The following MTMR14 variants were observed in gnomAD, a reference collection of about 807,000 sequenced individuals.
MTMR14 encodes the protein myotubularin related protein 14.
In MTMR14, 48 loss-of-function variants were observed where a neutral mutation model predicts 86.3. That is an observed-to-expected ratio of 0.56 (90% CI 0.44 to 0.71). MTMR14 has a LOEUF of 0.71. Among genes scored for constraint, MTMR14 ranks in the 30% least tolerant of loss-of-function variants. The pLI, the probability that MTMR14 is intolerant of heterozygous loss-of-function variation, is 0.00. For synonymous variants in MTMR14, 366 were observed against 326.1 expected, an observed-to-expected ratio of 1.12 and a Z score of -1.32; for missense variants, 780 against 834.6, an observed-to-expected ratio of 0.93 and a Z score of 0.81.
At chr3:9,671,337 C>G (rs912062084) in intron 6 of MTMR14, among the ~76,000 whole-genome samples, 167 bp downstream of exon 6, 1 of 152,126 alleles carries the variant, frequency 6.6e-6, no homozygotes, top group African/African-American at 2.4e-5. Context: ...ACCAGTGTCC[C>G]CCTCTTACAG....
rs771834344 is a variant in MTMR14 at position 9,669,458 on chromosome 3, G to A, written c.520G>A (p.Val174Met). Residue 174 changes from valine to methionine, a missense_variant, in exon 5 of 19, where the codon GTG becomes ATG. By Grantham distance (21) the Val-to-Met change is conservative. Coordinates refer to ENST00000296003, the MANE Select transcript of MTMR14 (RefSeq NM_001077525.3). ...GGGTGCAGATGATGCCTGGGCAGAT[G>A]TGGAGGACGTCACGGAGGAGGACTG... ...SGGADDAWAD[V>M]EDVTEEDCAL... 4.3e-6 allele frequency: 7 copies of A among 1,613,970 alleles called. No individual in the cohort carries two copies. The South Asian group carries it at 7.7e-5, about 18-fold the overall frequency.
chr3:9,659,403 T>G (rs1309385305), intron 2 of MTMR14, among the ~76,000 whole-genome samples: 1 of 150,280 alleles, frequency 6.7e-6, no homozygotes, highest in Non-Finnish European at 1.5e-5. Flanking sequence ...CAAGAGATAA[T>G]AAAAACAGGA....
At position 9,680,795 on chromosome 3, in the gene MTMR14, C is replaced by T. The variant is rs1226855045; in HGVS notation, c.898-2383C>T. On this transcript the variant is annotated intron_variant, in intron 9 of 18. Transcript: ENST00000296003. ...GAGCTTGCGGTGAGCTGAGATCGCG[C>T]CACTACACTCCAGCCTGGGCGACAG... Among the ~76,000 whole-genome samples the T allele has an allele frequency of 6.6e-5, 10 of 152,342 alleles. 1 individual carries two copies. Among genetic ancestry groups the T allele is most frequent in the Non-Finnish European group, 2.9e-5 (2 of 68,032 alleles).
intron 10 of MTMR14, 42 bp from the exon 11 acceptor site, chr3:9,684,543 C>T (rs374419725): frequency 9.4e-6 from 15 of 1,593,470 alleles, no homozygotes; most frequent in Admixed American, 1.7e-5. Flanking sequence ...CGGCCCATGT[C>T]TGGTTCTCTC....
chr3:9,684,593 G>A lies in MTMR14; in HGVS notation c.973G>A (p.Gly325Arg), dbSNP rs375469777. The A allele has an allele frequency of 6.8e-6, 11 of 1,613,904 alleles. No homozygotes were observed. Among genetic ancestry groups the A allele is most frequent in the South Asian group, 4.4e-5 (4 of 91,084 alleles). The part of the protein sequence containing the change: ...LSLVNSDDDS[G>R]LLVHCISGWD... ...CTGCGGTTCCTGAGTAGATGACAGC[G>A]GGCTGCTGGTACACTGTATCTCAGG... The change falls in exon 11 of 19, where the codon GGG (glycine) becomes AGG (arginine). Residue 325 changes from glycine (G) to arginine (R), a missense_variant. Gly to Arg is a moderately radical substitution (Grantham distance 125). Transcript: ENST00000296003.
At chr3:9,649,883 G>A in intron 1 of MTMR14, 141 bp downstream of exon 1, 2 of 1,525,398 alleles carry the variant, frequency 1.3e-6, no homozygotes, top group Admixed American at 2.0e-5. Context: ...AGTTCTCCAG[G>A]GTCTGTATCC....
intron 3 of MTMR14, among the ~76,000 whole-genome samples, chr3:9,663,713 C>T (rs2048082957): frequency 6.6e-6 from 1 of 150,974 alleles, no homozygotes; most frequent in Non-Finnish European, 1.5e-5. Context: ...CGGGGCTTCA[C>T]CGTGTTAGCC....
intron 4 of MTMR14, 146 bp downstream of exon 4, chr3:9,668,940 C>G (rs1208122613): frequency 1.8e-5 from 15 of 848,666 alleles, no homozygotes; most frequent in Non-Finnish European, 2.9e-5. Context: ...GAGTTCGAGA[C>G]CATCCTGGCT....
Position 9,688,977 on chromosome 3 carries a change from G to T in MTMR14, c.1328G>T (p.Gly443Val). 1 of 1,614,032 alleles carries T rather than the reference G, an allele frequency of 6.2e-7. No homozygotes were observed. The highest frequency in any genetic ancestry group is 2.2e-5 in the East Asian group (1 of 44,886). Residue 443 changes from glycine to valine, a missense_variant, in exon 16 of 19, where the codon GGC becomes GTC. Physicochemically the swap from Gly to Val is moderately radical, Grantham distance 109. Transcript: ENST00000296003. ...RKDRGSTTSLGSDFSLVMESS... is the reference protein window; with the variant it reads ...RKDRGSTTSLVSDFSLVMESS... ...GACCGTGGCAGCACCACCAGCCTTG[G>T]CAGCGACTTCTCCCTGGTCATGGAG...
intron 7 of MTMR14, among the ~76,000 whole-genome samples, chr3:9,676,847 T>C (rs1279985173): frequency 6.6e-6 from 1 of 152,154 alleles, no homozygotes; most frequent in Non-Finnish European, 1.5e-5. Context: ...TTCCAGTATG[T>C]TAGGATGTTC....
At chr3:9,700,411 C>CT (rs2076416711) in intron 18 of MTMR14, 1 of 152,200 alleles carries the variant, frequency 6.6e-6, no homozygotes, top group African/African-American at 2.4e-5. Context: ...AGTACCTGAA[C>CT]TTTGAGTCCA....
chr3:9,649,751 G>A lies in MTMR14; in HGVS notation c.159+9G>A. On this transcript the variant is annotated intron_variant, in intron 1 of 18. Transcript: ENST00000296003. ...GGACCGGCGGCTCTAAGGTGAGATT[G>A]GAGGTGCGATGAGCTGGGGAAGGCT... 6.2e-7 allele frequency: 1 copy of A among 1,613,286 alleles called. No individual in the cohort carries two copies. The highest frequency in any genetic ancestry group is 1.3e-5 in the African/African-American group (1 of 75,006).
chr3:9,683,263 G>A lies in MTMR14; in HGVS notation c.964+19G>A, dbSNP rs780375828. ...AGTGATGGTGAGTCTGTCTCCTCCA[G>A]AGCCCTCGAGCCACTGCACCCTTGG... is the stretch of plus-strand genomic sequence containing the variant. On this transcript the variant is annotated intron_variant, in intron 10 of 18. Coordinates refer to ENST00000296003, the MANE Select transcript of MTMR14 (RefSeq NM_001077525.3). 6.2e-7 allele frequency: 1 copy of A among 1,611,508 alleles called. No individual in the cohort carries two copies. Among genetic ancestry groups the A allele is most frequent in the Non-Finnish European group, 8.5e-7 (1 of 1,178,216 alleles).
intron 12 of MTMR14, 69 bp from the exon 13 acceptor site, chr3:9,685,142 G>A (rs1457433498): frequency 3.1e-6 from 5 of 1,602,072 alleles, no homozygotes; most frequent in Non-Finnish European, 3.4e-6. Flanking sequence ...TCTGTGTCTG[G>A]TGACCCTGTC....
chr3:9,672,028 A>G (rs1365772074), intron 6 of MTMR14, among the ~76,000 whole-genome samples: 16 of 152,190 alleles, frequency 1.1e-4, no homozygotes. Flanking sequence ...CTCAGTGACT[A>G]TTAGAGAAGA....
intron 2 of MTMR14, among the ~76,000 whole-genome samples, chr3:9,660,404 A>G (rs768173941): frequency 6.6e-6 from 1 of 152,000 alleles, no homozygotes; most frequent in African/African-American, 2.4e-5. Flanking sequence ...GATTACAGGC[A>G]CGCGCCACCA....
At chr3:9,684,860 C>G (rs754701374) in intron 11 of MTMR14, 28 bp from the exon 12 acceptor site, 1 of 1,610,608 alleles carries the variant, frequency 6.2e-7, no homozygotes, top group Non-Finnish European at 8.5e-7. Context: ...GAAGAGGGCT[C>G]TGTCACATCT....
chr3:9,650,130 G>C (rs963669186), intron 1 of MTMR14, among the ~76,000 whole-genome samples: 1 of 152,226 alleles, frequency 6.6e-6, no homozygotes, highest in African/African-American at 2.4e-5. Context: ...ATAGGGAGAC[G>C]ATTCCTCGGG....
chr3:9,665,572 G>T (rs375646753), intron 3 of MTMR14, among the ~76,000 whole-genome samples: 1 of 152,040 alleles, frequency 6.6e-6, no homozygotes, highest in African/African-American at 2.4e-5. Context: ...TCTAAACCCC[G>T]CTTACACAAT....
Sources: allele counts gnomAD v4.1 joint callset (sites outside exome capture counted in the v4.1 genomes callset), GRCh38; gene constraint gnomAD v4.1.1; transcripts MANE v1.5; gene names NCBI Gene and HGNC (gene_info 2026-07-23, HGNC 2026-07-21).